NCOA1: variants seen among roughly 807,000 people sequenced by gnomAD.
NCOA1 encodes the protein Hin-2 protein.
Under a neutral mutation model 150.9 loss-of-function variants are expected in NCOA1, and 35 were observed. The observed-to-expected ratio is 0.23, with a 90% CI of 0.18 to 0.31. The LOEUF (loss-of-function observed/expected upper bound fraction) is 0.31, where lower values mean the gene tolerates loss of function less well. Among genes scored for constraint, NCOA1 ranks in the 10% least tolerant of loss-of-function variants. NCOA1 has a pLI of 1.00. For synonymous variants in NCOA1, 590 were observed against 630.0 expected, an observed-to-expected ratio of 0.94 and a Z score of 0.95; for missense variants, 1,491 against 1,749.3, an observed-to-expected ratio of 0.85 and a Z score of 2.63.
intron 2 of NCOA1, among the ~76,000 whole-genome samples, chr2:24,581,513 G>A (rs1445967403): frequency 6.6e-6 from 1 of 152,070 alleles, no homozygotes; most frequent in African/African-American, 2.4e-5. Context: ...GGTATAATGT[G>A]CTCTGTCTGG....
intron 1 of NCOA1, among the ~76,000 whole-genome samples, chr2:24,522,851 A>G (rs1198665987): frequency 6.6e-6 from 1 of 152,208 alleles, no homozygotes; most frequent in Non-Finnish European, 1.5e-5. Flanking sequence ...AAGAGGTAAT[A>G]CATTTAGATT....
In NCOA1 at chr2:24,527,406, A is replaced by T. The variant is rs997187181; in HGVS notation, c.-396+35804A>T. Among the ~76,000 whole-genome samples, 4 of 152,204 alleles carry T rather than the reference A, an allele frequency of 2.6e-5. No individual in the cohort carries two copies. In the South Asian group the frequency reaches 8.3e-4, roughly 32 times the overall value. The stretch of plus-strand genomic sequence containing the variant: ...AAACATTCCATATGTGAGGTCATAT[A>T]ATCTTCTTATTTTTGTGTCTGGCTT... On this transcript the variant is annotated intron_variant, in intron 1 of 22. Transcript: ENST00000348332.
chr2:24,740,734 T>C (rs1002048908), intron 18 of NCOA1, among the ~76,000 whole-genome samples: 1 of 152,148 alleles, frequency 6.6e-6, no homozygotes, highest in Non-Finnish European at 1.5e-5. Context: ...AATTCAGGAG[T>C]AATTAGGTTG....
rs149333045 is a variant in NCOA1, at chr2:24,559,088, C to T, written c.-395-5207C>T. ...AAAGTTGAATCAGACTGGGGTAGTG[C>T]AGTTAGAAAAATAATTTTTCACCTC... On this transcript the variant is annotated intron_variant, in intron 1 of 22. Coordinates refer to ENST00000348332, the MANE Select transcript of NCOA1 (RefSeq NM_003743.5). Among the ~76,000 whole-genome samples, 298 of 152,242 alleles carry T rather than the reference C, an allele frequency of 2.0e-3. 2 individuals are homozygous for T. The highest frequency in any genetic ancestry group is 6.5e-3 in the African/African-American group (270 of 41,554).
intron 1 of NCOA1, among the ~76,000 whole-genome samples, chr2:24,515,531 C>T (rs557819162): frequency 6.6e-6 from 1 of 152,300 alleles, no homozygotes; most frequent in South Asian, 2.1e-4. Flanking sequence ...AGTCACTGTG[C>T]CCGGCCTTTG....
intron 2 of NCOA1, among the ~76,000 whole-genome samples, chr2:24,572,056 A>G (rs1666764527): frequency 1.3e-5 from 2 of 152,204 alleles, no homozygotes; most frequent in African/African-American, 4.8e-5. Flanking sequence ...GAGATAAGCA[A>G]AGCACTTAGT....
intron 1 of NCOA1, among the ~76,000 whole-genome samples, chr2:24,554,167 C>G (rs867771333): frequency 6.6e-6 from 1 of 151,960 alleles, no homozygotes; most frequent in Non-Finnish European, 1.5e-5. Context: ...TTCATAGATA[C>G]CTCTATGTTT....
At position 24,606,989 on chromosome 2, in the gene NCOA1, T is replaced by C. The variant is rs187653075; in HGVS notation, c.-175+22429T>C. Among the ~76,000 whole-genome samples, 187 of 152,310 alleles carry C rather than the reference T, an allele frequency of 1.2e-3. 2 individuals carry two copies. Among genetic ancestry groups the C allele is most frequent in the Non-Finnish European group, 2.4e-3 (162 of 68,016 alleles). ...TGCCACCCTCACTTCTTGTTCCATGTTGATTTTCACTTGGGGATGCTCTTT... is the reference window on the plus strand; with the variant it reads ...TGCCACCCTCACTTCTTGTTCCATGCTGATTTTCACTTGGGGATGCTCTTT... On this transcript the variant is annotated intron_variant, in intron 3 of 22. Transcript: ENST00000348332.
chr2:24,734,913 GC>G (rs1431771477), intron 17 of NCOA1, among the ~76,000 whole-genome samples: 1 of 152,130 alleles, frequency 6.6e-6, no homozygotes, highest in African/African-American at 2.4e-5. Context: ...ATAATAGAAA[GC>G]CCAGAAACAC....
chr2:24,629,345 T>C lies in NCOA1; in HGVS notation c.-174-14621T>C, dbSNP rs55947900. Among the ~76,000 whole-genome samples, 60 of 152,238 alleles carry C rather than the reference T, an allele frequency of 3.9e-4. 1 individual carries two copies. Among genetic ancestry groups the C allele is most frequent in the African/African-American group, 1.4e-3 (58 of 41,550 alleles). On this transcript the variant is annotated intron_variant, in intron 3 of 22. Coordinates refer to ENST00000348332, the MANE Select transcript of NCOA1 (RefSeq NM_003743.5). ...GTAAGAGTCATGAATATTTTAGATT[T>C]AGTAGTTGATATACAGACTTGTAAA...
At chr2:24,712,515 C>T (rs1251541272) in intron 14 of NCOA1, among the ~76,000 whole-genome samples, 1 of 152,148 alleles carries the variant, frequency 6.6e-6, no homozygotes, top group African/African-American at 2.4e-5. Flanking sequence ...GCCTGGCACT[C>T]AGCCCTCCCA....
intron 1 of NCOA1, among the ~76,000 whole-genome samples, chr2:24,541,540 A>T (rs1395553571): frequency 6.6e-6 from 1 of 152,226 alleles, no homozygotes; most frequent in African/African-American, 2.4e-5. Context: ...TGACACACAG[A>T]GCCAGTGCAT....
intron 3 of NCOA1, among the ~76,000 whole-genome samples, chr2:24,643,057 C>T (rs1001417380): frequency 6.6e-6 from 1 of 152,142 alleles, no homozygotes; most frequent in Admixed American, 6.5e-5. Context: ...TTATATGTAT[C>T]TGTACATGTG....
At chr2:24,698,393 A>C (rs1031507858) in intron 11 of NCOA1, among the ~76,000 whole-genome samples, 4 of 151,996 alleles carry the variant, frequency 2.6e-5, no homozygotes, top group African/African-American at 4.8e-5. Flanking sequence ...GTATCTCCTG[A>C]CTCAGGTTGA....
intron 3 of NCOA1, among the ~76,000 whole-genome samples, chr2:24,631,838 A>G (rs1315633823): frequency 6.6e-6 from 1 of 152,126 alleles, no homozygotes; most frequent in Non-Finnish European, 1.5e-5. Flanking sequence ...TGTTAACTCT[A>G]TTTCTGTCAT....
intron 1 of NCOA1, among the ~76,000 whole-genome samples, chr2:24,522,241 G>A (rs940510886): frequency 6.6e-6 from 1 of 152,032 alleles, no homozygotes; most frequent in African/African-American, 2.4e-5. Context: ...TTTTCATAAT[G>A]ACTTAGTTTT....
intron 3 of NCOA1, among the ~76,000 whole-genome samples, chr2:24,638,825 T>C (rs1326097219): frequency 6.6e-6 from 1 of 152,174 alleles, no homozygotes; most frequent in East Asian, 1.9e-4. Flanking sequence ...TTCAGATTAT[T>C]TGCCCATTTT....
intron 3 of NCOA1, among the ~76,000 whole-genome samples, chr2:24,594,379 G>T (rs918255573): frequency 1.3e-5 from 2 of 152,074 alleles, no homozygotes; most frequent in African/African-American, 2.4e-5. Flanking sequence ...CCTGATGGGG[G>T]TATTGCTGTC....
chr2:24,683,134 CAGA>C lies in NCOA1; in HGVS notation c.532+8_532+10del, dbSNP rs1558901203. 1 of 1,546,060 alleles carries C rather than the reference CAGA, an allele frequency of 6.5e-7. No homozygotes were observed. On this transcript the variant is annotated splice_region_variant and intron_variant, in intron 8 of 22. Transcript: ENST00000348332. Reference sequence around the variant, plus strand: ...TCTGCTACCAAAATCACTAGGTAAACAGAAATGTGTTTTTAAAAAGAATACTAG... The same window carrying C: ...TCTGCTACCAAAATCACTAGGTAAACAATGTGTTTTTAAAAAGAATACTAG...
Sources: allele counts gnomAD v4.1 joint callset (sites outside exome capture counted in the v4.1 genomes callset), GRCh38; gene constraint gnomAD v4.1.1; transcripts MANE v1.5; gene names NCBI Gene and HGNC (gene_info 2026-07-23, HGNC 2026-07-21).